Variants in LRRC49 observed in about 807,000 individuals in gnomAD.
LRRC49 encodes the protein leucine rich repeat containing 49, also known as leucine-rich repeat-containing protein 49.
LRRC49 carries 50 observed loss-of-function variants against 83.3 expected under a neutral mutation model. The ratio of observed to expected loss-of-function variants is 0.60; its 90% CI spans 0.48 to 0.76. The LOEUF is 0.76. Among genes scored for constraint, LRRC49 ranks in the 30% least tolerant of loss-of-function variants. The pLI is 0.00. For missense variants in LRRC49, 704 were observed against 809.1 expected, an observed-to-expected ratio of 0.87 and a Z score of 1.58; for synonymous variants, 286 against 283.3, an observed-to-expected ratio of 1.01 and a Z score of -0.10.
Position 70,984,159 on chromosome 15 carries a change from C to G in LRRC49, c.1071C>G (p.Ala357=). 1 of 1,612,624 alleles carries G rather than the reference C, an allele frequency of 6.2e-7. No homozygotes were observed. Among genetic ancestry groups the G allele is most frequent in the Non-Finnish European group, 8.5e-7 (1 of 1,178,990 alleles). ...GGGACTTGCAACAACAACGAGTAGCCAATATTGCTACAAATGAAGATAGAA... is the reference window on the plus strand; with the variant it reads ...GGGACTTGCAACAACAACGAGTAGCGAATATTGCTACAAATGAAGATAGAA... The part of the protein sequence containing the change: ...RQWDLQQQRV[A]NIATNEDRKD... The change falls in exon 11 of 16, where the codon GCC becomes GCG. Residue 357 remains alanine (A), a synonymous_variant. Transcript: ENST00000260382.
intron 8 of LRRC49, among the ~76,000 whole-genome samples, chr15:70,939,847 G>GTTTT (rs1327080543): frequency 6.1e-5 from 7 of 115,244 alleles, no homozygotes; most frequent in East Asian, 2.5e-4. Context: ...TTTAAACTAG[G>GTTTT]TTTTTTTTTT....
intron 15 of LRRC49, among the ~76,000 whole-genome samples, chr15:71,044,155 A>G (rs2039780109): frequency 6.6e-6 from 1 of 152,222 alleles, no homozygotes; most frequent in Non-Finnish European, 1.5e-5. Context: ...CTCATCAACA[A>G]GCTAACTTAG....
chr15:70,891,379 T>C (rs1460432024), upstream of LRRC49, among the ~76,000 whole-genome samples: 1 of 152,226 alleles, frequency 6.6e-6, no homozygotes, highest in Non-Finnish European at 1.5e-5. Context: ...CATCTTCATC[T>C]GTAGCTCCAC....
intron 11 of LRRC49, among the ~76,000 whole-genome samples, chr15:71,008,122 A>G (rs946592524): frequency 4.6e-5 from 7 of 151,948 alleles, no homozygotes; most frequent in Non-Finnish European, 1.0e-4. Context: ...AATATTAGTT[A>G]TCTTTCATGG....
chr15:70,963,012 A>T (rs1352999655), intron 8 of LRRC49, among the ~76,000 whole-genome samples: 1 of 152,048 alleles, frequency 6.6e-6, no homozygotes, highest in Non-Finnish European at 1.5e-5. Flanking sequence ...ATGCCTGTTA[A>T]TTCCAGCACT....
At chr15:70,928,952 AC>A (rs1407003983) in intron 7 of LRRC49, among the ~76,000 whole-genome samples, 6 of 151,998 alleles carry the variant, frequency 3.9e-5, no homozygotes, top group Non-Finnish European at 5.9e-5. Flanking sequence ...CTTCTTAAAC[AC>A]CTGCTAGATA....
At chr15:71,021,321 T>A (rs1376773604) in intron 14 of LRRC49, among the ~76,000 whole-genome samples, 2 of 152,210 alleles carry the variant, frequency 1.3e-5, no homozygotes, top group East Asian at 3.8e-4. Context: ...AGTGACTAAC[T>A]TTAGATATTA....
rs374255049 is a variant in LRRC49, at chr15:70,858,639, C to A, written c.-299+5170C>A. On this transcript the variant is annotated intron_variant, in intron 1 of 16. Transcript: ENST00000544974. ...AAAACAAAACAAACAAAAAAAGGAC[C>A]AAGAAGCAGCTTCTCTGCTCCTTCT... is the stretch of plus-strand genomic sequence containing the variant. 502 of 527,052 alleles carry A rather than the reference C, an allele frequency of 9.5e-4. 13 individuals are homozygous for A. The South Asian group carries it at 0.016, about 17-fold the overall frequency. 32.6% of individuals were successfully genotyped at this position (527,052 alleles called of 1,614,324 possible).
chr15:70,891,882 T>A, upstream of LRRC49: 4 of 1,611,810 alleles, frequency 2.5e-6, no homozygotes, highest in Non-Finnish European at 3.4e-6. Context: ...CGGGGGCGTG[T>A]ACAGGAGACT....
At chr15:70,900,191 A>T (rs889825155) in intron 3 of LRRC49, 5 of 223,420 alleles carry the variant, frequency 2.2e-5, no homozygotes, top group Non-Finnish European at 4.5e-5. Flanking sequence ...TGTATTTATT[A>T]ATTTCAGTCT....
At chr15:70,874,031 G>A (rs1208040740) in intron 2 of LRRC49, among the ~76,000 whole-genome samples, 3 of 152,202 alleles carry the variant, frequency 2.0e-5, no homozygotes, top group Admixed American at 6.5e-5. Context: ...CCTGGGTGTT[G>A]TTAGTAAACC....
At chr15:70,871,488 CG>C (rs961203413) in intron 1 of LRRC49, among the ~76,000 whole-genome samples, 3 of 152,168 alleles carry the variant, frequency 2.0e-5, no homozygotes, top group Admixed American at 6.5e-5. Context: ...GACCAGGTGG[CG>C]GCCGGGCAGA....
intron 3 of LRRC49, 193 bp from the exon 4 acceptor site, chr15:70,900,729 A>G (rs2034036956): frequency 1.8e-6 from 1 of 546,554 alleles, no homozygotes; most frequent in Non-Finnish European, 3.3e-6. Flanking sequence ...CATACATGGA[A>G]CACATAGTTT....
chr15:70,981,050 C>T (rs561961985), intron 10 of LRRC49, among the ~76,000 whole-genome samples: 3 of 152,118 alleles, frequency 2.0e-5, no homozygotes, highest in South Asian at 4.1e-4. Context: ...TCTTTAGTTA[C>T]GAGGTTTACT....
rs1457739456 is a variant in LRRC49, at chr15:70,974,684, C to G, written c.922-5417C>G. Among the ~76,000 whole-genome samples, 3 of 149,238 alleles carry G rather than the reference C, an allele frequency of 2.0e-5. No homozygotes were observed. In the East Asian group the frequency reaches 5.9e-4, roughly 29 times the overall value. ...GGCAGCCTGCTTTTTGTACAGCTCT[C>G]AAGCTAATAATGGCTTTTATGTTTT... is the stretch of plus-strand genomic sequence containing the variant. On this transcript the variant is annotated intron_variant, in intron 9 of 15. Transcript: ENST00000260382.
At chr15:70,897,545 G>T (rs1347477599) in intron 3 of LRRC49, among the ~76,000 whole-genome samples, 1 of 152,074 alleles carries the variant, frequency 6.6e-6, no homozygotes, top group African/African-American at 2.4e-5. Context: ...ACTTCCAAGG[G>T]TATAAAATTT....
chr15:71,034,410 T>C (rs2039456287), intron 14 of LRRC49, among the ~76,000 whole-genome samples: 1 of 151,990 alleles, frequency 6.6e-6, no homozygotes. Flanking sequence ...TGTGGAGAAA[T>C]AGGAATGCTT....
At chr15:71,031,864 G>A (rs368926012) in intron 14 of LRRC49, among the ~76,000 whole-genome samples, 49 of 152,172 alleles carry the variant, frequency 3.2e-4, no homozygotes, top group East Asian at 7.7e-4. Flanking sequence ...CGATCATCCC[G>A]GGTCAACTTC....
chr15:70,873,142 C>T (rs1419556859), exon 2 of LRRC49: 9 of 1,446,946 alleles, frequency 6.2e-6, no homozygotes, highest in Non-Finnish European at 8.4e-6. Flanking sequence ...GCCTTGGCCT[C>T]CCAAAGTGTT....
Sources: gnomAD v4.1 joint callset for allele counts (sites outside exome capture counted in the v4.1 genomes callset) on GRCh38, gnomAD v4.1.1 for gene constraint, MANE v1.5 for transcripts, NCBI Gene and HGNC (gene_info 2026-07-23, HGNC 2026-07-21) for gene names.